LBH: variants seen among roughly 807,000 people sequenced by gnomAD.
The protein encoded by LBH is LBH regulator of Wnt signaling pathway.
A neutral mutation model predicts 12.5 loss-of-function variants in LBH; 7 were observed. That is an observed-to-expected ratio of 0.56 (90% confidence interval 0.32 to 1.05). The LOEUF is 1.05. Ranked by LOEUF, LBH falls within the 50% of genes least tolerant of loss-of-function variation. LBH has a pLI of 0.04. For synonymous variants in LBH, 51 were observed against 50.1 expected, an observed-to-expected ratio of 1.02 and a Z score of -0.08; for missense variants, 119 against 138.9, an observed-to-expected ratio of 0.86 and a Z score of 0.72.
At chr2:30,254,308 T>C (rs1345620619) in intron 2 of LBH, among the ~76,000 whole-genome samples, 1 of 152,196 alleles carries the variant, frequency 6.6e-6, no homozygotes, top group Non-Finnish European at 1.5e-5. Flanking sequence ...TATGTGAATG[T>C]GGTCTCTCTC....
chr2:30,231,929 G>C (rs1403168744), intron 1 of LBH, among the ~76,000 whole-genome samples, 165 bp downstream of exon 1: 1 of 131,406 alleles, frequency 7.6e-6, no homozygotes, highest in African/African-American at 2.7e-5. Flanking sequence ...GGTTGCAAAG[G>C]TGGGGGTGGG....
intron 2 of LBH, among the ~76,000 whole-genome samples, chr2:30,241,933 A>T (rs1418271587): frequency 6.6e-6 from 1 of 152,184 alleles, no homozygotes; most frequent in African/African-American, 2.4e-5. Flanking sequence ...CGTCTAAGTC[A>T]TCAGCACTCT....
intron 2 of LBH, among the ~76,000 whole-genome samples, chr2:30,255,304 C>T (rs1017856355): frequency 7.2e-5 from 11 of 152,092 alleles, no homozygotes; most frequent in Non-Finnish European, 1.0e-4. Flanking sequence ...GCTCCTCGCT[C>T]GGCACATGCA....
Position 30,258,203 on chromosome 2 carries a change from TG to T in LBH, c.*584del, listed in dbSNP as rs1467004626. On this transcript the variant is annotated 3_prime_UTR_variant, in exon 3 of 3. Coordinates refer to ENST00000395323, the MANE Select transcript of LBH (RefSeq NM_030915.4). ...CCCTTTGCTTTCATTTCAGGTGTGT[TG>T]GTCTATATGACAGGGAGGAGAGTAA... 6.5e-6 allele frequency: 1 copy of T among 153,460 alleles called. No individual in the cohort carries two copies. Among genetic ancestry groups the T allele is most frequent in the Non-Finnish European group, 1.4e-5 (1 of 69,040 alleles). 9.5% of individuals were successfully genotyped at this position (153,460 alleles called of 1,614,324 possible).
chr2:30,238,145 G>C (rs13415246), intron 2 of LBH, among the ~76,000 whole-genome samples: 1,701 of 152,266 alleles, frequency 0.011, 34 homozygotes, highest in African/African-American at 0.039. Context: ...TGCTGTGCCC[G>C]ACTTGGCCTG....
chr2:30,245,243 G>C (rs2103559774), intron 2 of LBH, among the ~76,000 whole-genome samples: 1 of 152,288 alleles, frequency 6.6e-6, no homozygotes, highest in South Asian at 2.1e-4. Flanking sequence ...GCTTGTTCTT[G>C]AGTTTTTTAA....
intron 2 of LBH, among the ~76,000 whole-genome samples, chr2:30,238,624 C>G (rs747939719): frequency 3.3e-5 from 5 of 152,200 alleles, no homozygotes; most frequent in Non-Finnish European, 7.3e-5. Context: ...CCTGCATCTT[C>G]CCCTTCATTC....
At chr2:30,234,661 T>A (rs561177075) in intron 2 of LBH, 154 bp downstream of exon 2, 5 of 601,060 alleles carry the variant, frequency 8.3e-6, no homozygotes, top group Non-Finnish European at 1.5e-5. Flanking sequence ...TTTCTTCATC[T>A]GTAAAATGGG....
intron 2 of LBH, among the ~76,000 whole-genome samples, chr2:30,247,069 C>A (rs1677884361): frequency 6.6e-6 from 1 of 151,996 alleles, no homozygotes; most frequent in Non-Finnish European, 1.5e-5. Context: ...AGTCCTCCCA[C>A]CTCAGCCTCC....
chr2:30,237,804 G>A (rs1024859445), intron 2 of LBH, among the ~76,000 whole-genome samples: 1 of 152,194 alleles, frequency 6.6e-6, no homozygotes, highest in Non-Finnish European at 1.5e-5. Flanking sequence ...GGAAATCCAC[G>A]TGTGCACATT....
At chr2:30,240,149 T>A (rs1439320011) in intron 2 of LBH, among the ~76,000 whole-genome samples, 1 of 152,224 alleles carries the variant, frequency 6.6e-6, no homozygotes, top group African/African-American at 2.4e-5. Context: ...GGGCACAGTG[T>A]CCTACAAATA....
intron 2 of LBH, among the ~76,000 whole-genome samples, chr2:30,244,413 A>G (rs1209269371): frequency 1.3e-5 from 2 of 152,206 alleles, no homozygotes; most frequent in East Asian, 3.8e-4. Context: ...GACACTTTCC[A>G]AAGGACATGA....
intron 1 of LBH, chr2:30,232,047 G>T: frequency 7.1e-7 from 1 of 1,414,368 alleles, no homozygotes. Context: ...GGGGTCACGT[G>T]TGAATCCCCC....
At chr2:30,244,931 A>G (rs1323521262) in intron 2 of LBH, among the ~76,000 whole-genome samples, 3 of 152,192 alleles carry the variant, frequency 2.0e-5, no homozygotes, top group Non-Finnish European at 4.4e-5. Flanking sequence ...AGAAACCTCA[A>G]TAAAAATTTA....
At chr2:30,234,104 C>A (rs1286468929) in intron 1 of LBH, among the ~76,000 whole-genome samples, 1 of 152,162 alleles carries the variant, frequency 6.6e-6, no homozygotes, top group East Asian at 1.9e-4. Flanking sequence ...CTGGTTCTGT[C>A]ATTTAAAGAA....
intron 2 of LBH, among the ~76,000 whole-genome samples, chr2:30,247,843 G>A (rs1558388774): frequency 6.6e-6 from 1 of 152,224 alleles, no homozygotes; most frequent in Non-Finnish European, 1.5e-5. Context: ...AACAATTGAT[G>A]ATGCCAAGTA....
chr2:30,257,342 C>T, intron 2 of LBH, 91 bp from the exon 3 acceptor site: 1 of 1,405,400 alleles, frequency 7.1e-7, no homozygotes, highest in South Asian at 1.2e-5. Flanking sequence ...ATGGCATGCA[C>T]CCAGTATGCC....
At chr2:30,254,164 C>A (rs1176398253) in intron 2 of LBH, among the ~76,000 whole-genome samples, 1 of 152,136 alleles carries the variant, frequency 6.6e-6, no homozygotes, top group Admixed American at 6.5e-5. Context: ...ATACCAAACC[C>A]ACATATGCTA....
Position 30,257,646 on chromosome 2 carries a change from A to G in LBH, c.*25A>G. On this transcript the variant is annotated 3_prime_UTR_variant, in exon 3 of 3. Transcript: ENST00000395323. ...GAGTCCCTGTGGACTCCCATGGGTC[A>G]TACCAGCCAGCATCTGTTCCTGAAC... The G allele has an allele frequency of 2.6e-6, 4 of 1,531,696 alleles. No individual in the cohort carries two copies. The highest frequency in any genetic ancestry group is 3.6e-6 in the Non-Finnish European group (4 of 1,126,054). 94.9% of individuals were successfully genotyped at this position (1,531,696 alleles called of 1,614,324 possible).
Sources: gnomAD v4.1 joint callset for allele counts (sites outside exome capture counted in the v4.1 genomes callset) on GRCh38, gnomAD v4.1.1 for gene constraint, MANE v1.5 for transcripts, NCBI Gene and HGNC (gene_info 2026-07-23, HGNC 2026-07-21) for gene names.